AFAP1L2: variants seen among roughly 807,000 people sequenced by gnomAD.
The protein encoded by AFAP1L2 is actin filament-associated protein 1-like 2.
AFAP1L2 carries 46 observed loss-of-function variants against 99.3 expected under a neutral mutation model. The ratio of observed to expected loss-of-function variants is 0.46; its 90% confidence interval spans 0.37 to 0.59. The LOEUF (loss-of-function observed/expected upper bound fraction) is 0.59, where lower values mean the gene tolerates loss of function less well. Ranked by LOEUF, AFAP1L2 falls within the 20% of genes least tolerant of loss-of-function variation. The probability of loss-of-function intolerance (pLI) is 0.00; values close to 1 mark genes in which losing one functional copy is unlikely to be tolerated. For synonymous variants in AFAP1L2, 397 were observed against 419.1 expected, an observed-to-expected ratio of 0.95 and a Z score of 0.64; for missense variants, 959 against 1,034.9, an observed-to-expected ratio of 0.93 and a Z score of 1.01.
At chr10:114,317,805 A>G (rs2044375530) in intron 5 of AFAP1L2, among the ~76,000 whole-genome samples, 1 of 152,170 alleles carries the variant, frequency 6.6e-6, no homozygotes, top group Non-Finnish European at 1.5e-5. Flanking sequence ...GTTACAATGA[A>G]CTGAGATCGT....
chr10:114,321,166 T>C (rs2045221376), intron 5 of AFAP1L2, among the ~76,000 whole-genome samples: 1 of 152,204 alleles, frequency 6.6e-6, no homozygotes, highest in South Asian at 2.1e-4. Flanking sequence ...TTCAGGTGGA[T>C]GCATTCTTTA....
intron 4 of AFAP1L2, chr10:114,326,094 T>C: frequency 8.0e-7 from 1 of 1,250,802 alleles, no homozygotes; most frequent in South Asian, 1.3e-5. Context: ...GAGCTCCCCA[T>C]GGGTCATCAT....
At chr10:114,306,315 C>CGCGGGGG (rs2042384013) in intron 10 of AFAP1L2, among the ~76,000 whole-genome samples, 6 of 8,368 alleles carry the variant, frequency 7.2e-4, no homozygotes, top group East Asian at 4.4e-3. Flanking sequence ...GGACGCAGAT[C>CGCGGGGG]CAGGAGGGGA....
chr10:114,284,940 C>T, the AFAP1L2 span: 3 of 1,604,192 alleles, frequency 1.9e-6, no homozygotes, highest in South Asian at 3.4e-5. Flanking sequence ...GTGCCTCTGC[C>T]CGCTGGCCTT....
Position 114,307,886 on chromosome 10 carries a change from G to A in AFAP1L2, c.991C>T (p.Leu331Phe). ...AGATTCATTAGGTTGCTCAGTTTGA[G>A]GCCAGCAGAACATTTCTTCTTGACT... The part of the protein sequence containing the change: ...KDVKKKCSAG[L>F]KLSNLMNLGR... The change falls in exon 10 of 19, where the codon CTC (leucine) becomes TTC (phenylalanine). Residue 331 changes from leucine (L) to phenylalanine (F), a missense_variant. Leu to Phe is a conservative substitution (Grantham distance 22). Around this residue, in one of 2 missense-constraint regions of AFAP1L2, gnomAD observed 383 missense variants for 472.8 expected, o/e 0.81. Coordinates refer to ENST00000304129, the MANE Select transcript of AFAP1L2 (RefSeq NM_001001936.3). 6.2e-7 allele frequency: 1 copy of A among 1,614,110 alleles called. No homozygotes were observed. The highest frequency in any genetic ancestry group is 1.6e-4 in the Middle Eastern group (1 of 6,062).
the AFAP1L2 span, chr10:114,289,799 C>T: frequency 2.4e-6 from 1 of 420,826 alleles, no homozygotes; most frequent in South Asian, 2.5e-5. Flanking sequence ...GTCTAAAGAT[C>T]CCACATTCAC....
At position 114,297,082 on chromosome 10, in the gene AFAP1L2, C is replaced by T; in HGVS notation, c.2326G>A (p.Ala776Thr). The change falls in exon 18 of 19, where the codon GCC becomes ACC. Residue 776 changes from alanine to threonine, a missense_variant. Around this residue, in one of 2 missense-constraint regions of AFAP1L2, gnomAD observed 576 missense variants for 562.1 expected, o/e 1.02. Coordinates refer to ENST00000304129, the MANE Select transcript of AFAP1L2 (RefSeq NM_001001936.3). ...ACTGGGGTACAGTCTGGGGCAGAGG[C>T]AGGTGTGACAGCTTTGGGCTGTGGT... ...VSPRPKAVTPASAPDCTPVNS... is the reference protein window; with the variant it reads ...VSPRPKAVTPTSAPDCTPVNS... 6.2e-7 allele frequency: 1 copy of T among 1,614,132 alleles called. No individual in the cohort carries two copies. The highest frequency in any genetic ancestry group is 8.5e-7 in the Non-Finnish European group (1 of 1,180,012).
At chr10:114,386,173 A>G (rs961338816) in intron 1 of AFAP1L2, among the ~76,000 whole-genome samples, 1 of 152,156 alleles carries the variant, frequency 6.6e-6, no homozygotes, top group African/African-American at 2.4e-5. Flanking sequence ...CTATGGTAGG[A>G]CTTCTGACAC....
At chr10:114,349,480 C>A (rs181257059) in intron 1 of AFAP1L2, among the ~76,000 whole-genome samples, 27 of 150,394 alleles carry the variant, frequency 1.8e-4, no homozygotes, top group African/African-American at 5.9e-4. Flanking sequence ...TCCCAGCTAC[C>A]CTGGAGGTGG....
the AFAP1L2 span, chr10:114,289,265 C>T: frequency 1.9e-6 from 3 of 1,614,000 alleles, no homozygotes; most frequent in African/African-American, 1.3e-5. Context: ...CCTGGTGTCC[C>T]CAAAGCTGTG....
downstream of AFAP1L2, chr10:114,290,181 G>T: frequency 6.5e-7 from 1 of 1,540,058 alleles, no homozygotes; most frequent in Middle Eastern, 1.7e-4. Context: ...TTAGGGTAGG[G>T]GTCTTCGGGT....
chr10:114,402,848 C>G (rs748544941), intron 1 of AFAP1L2, among the ~76,000 whole-genome samples: 50 of 152,222 alleles, frequency 3.3e-4, no homozygotes, highest in Non-Finnish European at 6.3e-4. Flanking sequence ...ACACCACCCC[C>G]ACCCCCATAC....
At chr10:114,293,005 C>A (rs773571622), downstream of AFAP1L2, among the ~76,000 whole-genome samples, 6 of 152,178 alleles carry the variant, frequency 3.9e-5, no homozygotes, top group Non-Finnish European at 5.9e-5. Context: ...CTGTGCCTGG[C>A]CCATTTTTCT....
chr10:114,386,000 C>A (rs1046665020), intron 1 of AFAP1L2, among the ~76,000 whole-genome samples: 1 of 151,616 alleles, frequency 6.6e-6, no homozygotes, highest in Non-Finnish European at 1.5e-5. Flanking sequence ...AAGGAAGGAA[C>A]GAGAAGCCAG....
intron 1 of AFAP1L2, among the ~76,000 whole-genome samples, chr10:114,353,143 G>GC (rs768091387): frequency 6.6e-6 from 1 of 152,202 alleles, no homozygotes; most frequent in Non-Finnish European, 1.5e-5. Context: ...ATGAGCATCA[G>GC]CCATGGGACT....
intron 1 of AFAP1L2, among the ~76,000 whole-genome samples, chr10:114,378,579 G>A (rs1452885687): frequency 6.6e-6 from 1 of 152,218 alleles, no homozygotes; most frequent in East Asian, 1.9e-4. Flanking sequence ...AAGCAATGGA[G>A]TCTTGCTCCT....
At chr10:114,362,653 A>G (rs1486371809) in intron 1 of AFAP1L2, among the ~76,000 whole-genome samples, 1 of 152,172 alleles carries the variant, frequency 6.6e-6, no homozygotes, top group Non-Finnish European at 1.5e-5. Flanking sequence ...TTAAACCAAC[A>G]TAAGCTGTCG....
intron 1 of AFAP1L2, among the ~76,000 whole-genome samples, chr10:114,373,880 A>G (rs562491163): frequency 6.6e-6 from 1 of 152,050 alleles, no homozygotes; most frequent in Non-Finnish European, 1.5e-5. Flanking sequence ...TAGCGAGATA[A>G]TCTTGCCCCT....
At chr10:114,315,045 G>A (rs551417589) in intron 6 of AFAP1L2, among the ~76,000 whole-genome samples, 152 of 152,304 alleles carry the variant, frequency 1.0e-3, no homozygotes, top group African/African-American at 3.3e-3. Flanking sequence ...GGAGGCTGAG[G>A]CAGGAGAATC....
Sources: allele counts gnomAD v4.1 joint callset (sites outside exome capture counted in the v4.1 genomes callset), GRCh38; gene constraint gnomAD v4.1.1; regional missense constraint gnomAD v4.1.1; transcripts MANE v1.5; gene names NCBI Gene and HGNC (gene_info 2026-07-23, HGNC 2026-07-21).